NRXN3: variants seen among roughly 807,000 people sequenced by gnomAD.
The protein encoded by NRXN3 is neurexin 3.
NRXN3 carries 32 observed loss-of-function variants against 137.6 expected under a neutral mutation model. That is an observed-to-expected ratio of 0.23 (90% confidence interval 0.18 to 0.31). The LOEUF is 0.31. NRXN3 is among the 10% of genes least tolerant of loss of function. NRXN3 has a pLI of 1.00. For synonymous variants in NRXN3, 798 were observed against 784.5 expected (o/e 1.02, Z -0.29); for missense variants, 1,574 against 2,062.5 (o/e 0.76, Z 4.59).
At chr14:79,539,155 T>C (rs1243491796) in intron 16 of NRXN3, among the ~76,000 whole-genome samples, 1 of 152,030 alleles carries the variant, frequency 6.6e-6, no homozygotes, top group Admixed American at 6.6e-5. Context: ...CACCTCCCAG[T>C]AATGGTGCAA....
At chr14:79,711,865 G>GA (rs1326567026) in intron 19 of NRXN3, among the ~76,000 whole-genome samples, 15 of 152,158 alleles carry the variant, frequency 9.9e-5, no homozygotes, top group African/African-American at 3.4e-4. Flanking sequence ...GAGCTGGGGG[G>GA]ATCTATCAAG....
chr14:79,557,818 A>G (rs2097446451), intron 16 of NRXN3, among the ~76,000 whole-genome samples: 1 of 152,002 alleles, frequency 6.6e-6, no homozygotes, highest in Non-Finnish European at 1.5e-5. Flanking sequence ...TGGTGCATCA[A>G]CTGACTCTTC....
intron 8 of NRXN3, among the ~76,000 whole-genome samples, chr14:78,772,124 C>A (rs936629163): frequency 3.9e-5 from 6 of 152,070 alleles, no homozygotes; most frequent in Non-Finnish European, 2.9e-5. Flanking sequence ...TGTCAGTGCT[C>A]AAAAAGTTTT....
At chr14:79,740,238 C>G (rs2098956360) in intron 19 of NRXN3, among the ~76,000 whole-genome samples, 2 of 152,084 alleles carry the variant, frequency 1.3e-5, no homozygotes, top group African/African-American at 4.8e-5. Flanking sequence ...ACTTTGGGCA[C>G]TAATCTCTCT....
chr14:78,866,060 G>T (rs760969273), intron 10 of NRXN3, among the ~76,000 whole-genome samples: 3 of 152,074 alleles, frequency 2.0e-5, no homozygotes, highest in Non-Finnish European at 4.4e-5. Flanking sequence ...AAACTAATCA[G>T]GTCTGATTTT....
At chr14:79,506,396 A>G (rs1411335188) in intron 16 of NRXN3, among the ~76,000 whole-genome samples, 1 of 152,202 alleles carries the variant, frequency 6.6e-6, no homozygotes, top group Non-Finnish European at 1.5e-5. Context: ...AGAGCTGGTT[A>G]TTATGCTAGT....
intron 19 of NRXN3, among the ~76,000 whole-genome samples, chr14:79,707,305 T>TG (rs1166822875): frequency 5.9e-5 from 9 of 152,212 alleles, no homozygotes; most frequent in African/African-American, 2.2e-4. Flanking sequence ...GAAGAGGCAG[T>TG]GGGGGCCAAT....
intron 16 of NRXN3, among the ~76,000 whole-genome samples, chr14:79,659,609 A>G (rs1352403439): frequency 1.3e-5 from 2 of 152,148 alleles, no homozygotes; most frequent in Admixed American, 1.3e-4. Flanking sequence ...AGGGAGAAAG[A>G]AGACTGACAT....
At chr14:79,028,954 G>T (rs79902168) in intron 15 of NRXN3, among the ~76,000 whole-genome samples, 5,174 of 152,158 alleles carry the variant, frequency 0.034, 287 homozygotes, top group African/African-American at 0.12. Context: ...TTGGGATGGG[G>T]ATGAGGCTAT....
intron 15 of NRXN3, among the ~76,000 whole-genome samples, chr14:79,088,383 C>A (rs2048527616): frequency 6.7e-6 from 1 of 149,684 alleles, no homozygotes; most frequent in East Asian, 1.9e-4. Context: ...CTTTGACCTC[C>A]TCTAGTTAGC....
At chr14:79,415,342 G>GT (rs1191575187) in intron 15 of NRXN3, among the ~76,000 whole-genome samples, 2 of 152,082 alleles carry the variant, frequency 1.3e-5, no homozygotes, top group Non-Finnish European at 1.5e-5. Context: ...AACATGTACA[G>GT]TTTTTTTCTT....
rs138143683 is a variant in NRXN3 at position 78,500,907 on chromosome 14, C to T, written c.758-144213C>T. On this transcript the variant is annotated intron_variant, in intron 4 of 20. Coordinates refer to ENST00000335750, the MANE Select transcript of NRXN3 (RefSeq NM_001330195.2). ...GCCTTCAAAAACTTATGTGCTCAAA[C>T]GTTATTCTCCAAATCTTTATTCTGT... 4.0e-3 allele frequency among the ~76,000 whole-genome samples: 614 copies of T among 152,238 alleles called. 3 individuals are homozygous for T. The highest frequency in any genetic ancestry group is 6.3e-3 in the Non-Finnish European group (431 of 68,006).
In NRXN3 at chr14:79,332,268, GGCTTCT is replaced by G. The variant is rs1253036930; in HGVS notation, c.3263-134952_3263-134947del. ...TGCTTTTGCCTCTTCTGTAATGAAA[GGCTTCT>G]AACTGGTTTGCCTGCCTTTGATTTT... is the stretch of plus-strand genomic sequence containing the variant. On this transcript the variant is annotated intron_variant, in intron 15 of 20. Transcript: ENST00000335750. Among the ~76,000 whole-genome samples, 7 of 152,190 alleles carry G rather than the reference GGCTTCT, an allele frequency of 4.6e-5. No individual in the cohort carries two copies. The East Asian group carries it at 9.6e-4, about 21-fold the overall frequency.
chr14:79,504,675 A>ATATATATATATATATATATATAT (rs1418274750), intron 16 of NRXN3, among the ~76,000 whole-genome samples: 5 of 142,136 alleles, frequency 3.5e-5, no homozygotes, highest in African/African-American at 5.3e-5. Context: ...ATATATATAT[A>ATATATATATATATATATATATAT]AAACATTACA....
At chr14:79,803,084 A>G (rs997974730) in intron 19 of NRXN3, among the ~76,000 whole-genome samples, 34 of 152,250 alleles carry the variant, frequency 2.2e-4, no homozygotes, top group African/African-American at 7.9e-4. Flanking sequence ...GCTAGCCTTG[A>G]GGAGCAAGGT....
intron 4 of NRXN3, among the ~76,000 whole-genome samples, chr14:78,456,845 CTTTCTTTCTTTT>C (rs2094735569): frequency 1.5e-5 from 2 of 132,588 alleles, no homozygotes; most frequent in African/African-American, 5.1e-5. Context: ...TTCTTTCTTT[CTTTCTTTCTTTT>C]TCTCTTTCTT....
chr14:79,549,728 C>T (rs770556349), intron 16 of NRXN3, among the ~76,000 whole-genome samples: 4 of 151,992 alleles, frequency 2.6e-5, no homozygotes, highest in African/African-American at 4.8e-5. Flanking sequence ...CTGTTGCCTT[C>T]AAAAATGCAG....
intron 4 of NRXN3, among the ~76,000 whole-genome samples, chr14:78,462,020 C>T (rs2094935515): frequency 6.6e-6 from 1 of 152,200 alleles, no homozygotes; most frequent in African/African-American, 2.4e-5. Context: ...AAATTTCCTC[C>T]TAACAAAATG....
rs538488598 is a variant in NRXN3, at chr14:78,545,696, A to G, written c.758-99424A>G. Among the ~76,000 whole-genome samples the G allele has an allele frequency of 3.3e-5, 5 of 152,356 alleles. No individual in the cohort carries two copies. In the East Asian group the frequency reaches 9.6e-4, roughly 29 times the overall value. ...TACTTTAAATAATAATGAAGCAAAC[A>G]TTTGTAGTATGTCTATCTACCCACT... is the stretch of plus-strand genomic sequence containing the variant. On this transcript the variant is annotated intron_variant, in intron 4 of 20. Transcript: ENST00000335750.
Sources: allele counts gnomAD v4.1 joint callset (sites outside exome capture counted in the v4.1 genomes callset), GRCh38; gene constraint gnomAD v4.1.1; transcripts MANE v1.5; gene names NCBI Gene and HGNC (gene_info 2026-07-23, HGNC 2026-07-21).